The following TTN variants were observed in gnomAD, a reference collection of about 807,000 sequenced individuals.
TTN encodes the protein connectin.
A neutral mutation model predicts 3,223.0 loss-of-function variants in TTN; 1,525 were observed. That is an observed-to-expected ratio of 0.47 (90% CI 0.45 to 0.49). The LOEUF (loss-of-function observed/expected upper bound fraction) is 0.49. TTN is among the 20% of genes least tolerant of loss of function. The probability of loss-of-function intolerance (pLI) is 0.00; values close to 1 mark genes in which losing one functional copy is unlikely to be tolerated. For missense variants in TTN, 40,786 were observed against 43,424.0 expected (o/e 0.94, Z 5.40); for synonymous variants, 14,094 against 15,161.0 (o/e 0.93, Z 5.17).
At chr2:178,582,917 T>A in intron 313 of TTN, 23 bp downstream of exon 313, 1 of 1,466,786 alleles carries the variant, frequency 6.8e-7, no homozygotes, top group South Asian at 1.7e-5. Context: ...AAATATGGGA[T>A]TCCAATGAAG....
At chr2:178,790,975 G>C in intron 10 of TTN, 130 bp from the exon 11 acceptor site, 1 of 1,166,580 alleles carries the variant, frequency 8.6e-7, no homozygotes, top group Non-Finnish European at 1.2e-6. Flanking sequence ...TTCCATTTCA[G>C]GGGCCTACAC....
In TTN at chr2:178,704,196, G is replaced by A. The variant is rs1217298832; in HGVS notation, c.30174C>T (p.Tyr10058=). 1.9e-6 allele frequency: 3 copies of A among 1,613,978 alleles called. No homozygotes were observed. Among genetic ancestry groups the A allele is most frequent in the South Asian group, 1.1e-5 (1 of 91,080 alleles). The change falls in exon 106 of 363, where the codon TAC becomes TAT. Residue 10058 remains tyrosine (Y), a synonymous_variant. Coordinates refer to ENST00000589042, the MANE Select transcript of TTN (RefSeq NM_001267550.2). ...ADVRAEDQGQ[Y]TCKYEDLETS... is the part of the protein sequence containing the mutation. ...TTTCAAGGTCTTCATATTTGCAGGT[G>A]TACTGACCCTGGTCTTCTGCTCGAA...
chr2:178,576,315 T>C lies in TTN; in HGVS notation c.69817A>G (p.Thr23273Ala), dbSNP rs1233267673. 1 of 1,573,442 alleles carries C rather than the reference T, an allele frequency of 6.4e-7. No homozygotes were observed. Among genetic ancestry groups the C allele is most frequent in the Non-Finnish European group, 8.6e-7 (1 of 1,163,856 alleles). The change falls in exon 326 of 363, where the codon ACT becomes GCT. Residue 23273 changes from threonine to alanine, a missense_variant. Coordinates refer to ENST00000589042, the MANE Select transcript of TTN (RefSeq NM_001267550.2). This position sits in a 1 kb window ranked among gnomAD's most constrained non-coding sequence, Gnocchi z 4.3. ...KPHYDGGLEI[T>A]GYVVEHQKVG... ...TTTTGATGCTCCACGACATAGCCAG[T>C]GATTTCAAGTCCACCATCATAATGA...
chr2:178,532,688 C>G lies in TTN; in HGVS notation c.103927G>C (p.Asp34643His). Residue 34643 changes from aspartate (D) to histidine (H), a missense_variant, in exon 358 of 363, where the codon GAT becomes CAT. Physicochemically the swap from Asp to His is moderately conservative, Grantham distance 81. Coordinates refer to ENST00000589042, the MANE Select transcript of TTN (RefSeq NM_001267550.2). ...RPARRRTPSPDYDFYYRPRRR... is the reference protein window; with the variant it reads ...RPARRRTPSPHYDFYYRPRRR... Reference sequence around the variant, plus strand: ...CTAGGTCGGTAGTAAAAGTCATAATCAGGAGAAGGTGTACGCCGGCGGGCT... The same window carrying G: ...CTAGGTCGGTAGTAAAAGTCATAATGAGGAGAAGGTGTACGCCGGCGGGCT... The G allele has an allele frequency of 6.2e-7, 1 of 1,613,956 alleles. No homozygotes were observed. The highest frequency in any genetic ancestry group is 1.6e-4 in the Middle Eastern group (1 of 6,062).
At chr2:178,586,961 CA>C in intron 307 of TTN, 154 bp from the exon 308 acceptor site, 1 of 1,360,866 alleles carries the variant, frequency 7.3e-7, no homozygotes, top group Non-Finnish European at 1.0e-6. Flanking sequence ...TGAGACAGAT[CA>C]AAAAAGTGTT....
intron 159 of TTN, among the ~76,000 whole-genome samples, chr2:178,668,507 G>T (rs926117024): frequency 1.3e-5 from 2 of 151,930 alleles, no homozygotes; most frequent in African/African-American, 4.8e-5. Flanking sequence ...GAGGTGGGCG[G>T]GTCACCTGAG....
At chr2:178,551,589 T>G in intron 335 of TTN, 41 bp downstream of exon 335, 1 of 1,474,628 alleles carries the variant, frequency 6.8e-7, no homozygotes, top group Non-Finnish European at 9.1e-7. Flanking sequence ...TCTAATATGT[T>G]CAATTGCTAA....
chr2:178,589,559 G>T lies in TTN; in HGVS notation c.62166C>A (p.Ser20722Arg), dbSNP rs750725073. 3 of 1,613,136 alleles carry T rather than the reference G, an allele frequency of 1.9e-6. No individual in the cohort carries two copies. Among genetic ancestry groups the T allele is most frequent in the South Asian group, 2.2e-5 (2 of 91,046 alleles). The part of the protein sequence containing the change: ...SDDWERVHKG[S>R]IKETHYMVDR... ...CAACCATGTAGTGAGTTTCTTTAAT[G>T]CTTCCTTTATGCACTCTTTCCCAGT... is the stretch of plus-strand genomic sequence containing the variant. The change falls in exon 304 of 363, where the codon AGC becomes AGA. Residue 20722 changes from serine (S) to arginine (R), a missense_variant. By Grantham distance (110) the Ser-to-Arg change is moderately radical. Transcript: ENST00000589042.
intron 240 of TTN, among the ~76,000 whole-genome samples, chr2:178,628,450 ATATTT>A (rs1398742864): frequency 4.6e-5 from 7 of 152,064 alleles, no homozygotes; most frequent in African/African-American, 1.2e-4. Flanking sequence ...CATATTCCAT[ATATTT>A]TATTTTAAGA....
chr2:178,805,360 A>AT (rs1384011267), intron 1 of TTN, among the ~76,000 whole-genome samples: 3 of 151,698 alleles, frequency 2.0e-5, no homozygotes, highest in Non-Finnish European at 2.9e-5. Flanking sequence ...AAAAAAAAAA[A>AT]AAAATTAAAA....
intron 47 of TTN, chr2:178,746,975 C>G: frequency 6.2e-7 from 1 of 1,613,452 alleles, no homozygotes. Context: ...ATTTGGTGTA[C>G]CGTCTTCCCT....
intron 48 of TTN, 58 bp from the exon 49 acceptor site, chr2:178,738,418 G>C (rs2154316858): frequency 6.6e-7 from 1 of 1,516,884 alleles, no homozygotes; most frequent in African/African-American, 1.4e-5. Flanking sequence ...TGACATTTTT[G>C]TTTTTCTTCT....
At position 178,575,016 on chromosome 2, in the gene TTN, A is replaced by T. The variant is rs760319001; in HGVS notation, c.71116T>A (p.Leu23706Ile). The T allele has an allele frequency of 8.1e-6, 13 of 1,613,410 alleles. No individual in the cohort carries two copies. The South Asian group carries it at 1.4e-4, about 18-fold the overall frequency. The change falls in exon 326 of 363, where the codon TTA becomes ATA. Residue 23706 changes from leucine (L) to isoleucine (I), a missense_variant. Leu to Ile is a conservative substitution (Grantham distance 5). Transcript: ENST00000589042. This position sits in a 1 kb window ranked among gnomAD's most constrained non-coding sequence, Gnocchi z 4.0. ...CVRSDSGPYP[L>I]TARNIVGEVG... The stretch of plus-strand genomic sequence containing the variant: ...TCTCCTACAATGTTCCTTGCTGTTA[A>T]TGGATAGGGCCCACTATCACTTCTG...
At chr2:178,669,103 A>T (rs2066502514) in intron 159 of TTN, among the ~76,000 whole-genome samples, 1 of 152,192 alleles carries the variant, frequency 6.6e-6, no homozygotes. Flanking sequence ...AGACACTTGT[A>T]TACAGAATAG....
chr2:178,682,649 A>G (rs1385994846), intron 135 of TTN, 48 bp downstream of exon 135: 1 of 1,479,138 alleles, frequency 6.8e-7, no homozygotes, highest in East Asian at 2.4e-5. Context: ...ATCTTGTTTG[A>G]GTGTGCACAT....
chr2:178,544,592 G>A, intron 344 of TTN, 86 bp from the exon 345 acceptor site: 1 of 1,174,866 alleles, frequency 8.5e-7, no homozygotes, highest in Non-Finnish European at 1.2e-6. Context: ...GACTCACAAA[G>A]GCATTATTGC....
rs776318202 is a variant in TTN at position 178,592,462 on chromosome 2, G to A, written c.59543C>T (p.Ala19848Val). The part of the protein sequence containing the change: ...VGSKLEIRNA[A>V]HEDGGIYSLT... ...AGAATAAATTCCACCATCTTCATGG[G>A]CAGCATTACGAATTTCAAGCTTGCT... The change falls in exon 301 of 363, where the codon GCC becomes GTC. Residue 19848 changes from alanine to valine, a missense_variant. Ala to Val is a moderately conservative substitution (Grantham distance 64). Coordinates refer to ENST00000589042, the MANE Select transcript of TTN (RefSeq NM_001267550.2). The A allele has an allele frequency of 6.2e-7, 1 of 1,613,430 alleles. No individual in the cohort carries two copies. Among genetic ancestry groups the A allele is most frequent in the Admixed American group, 1.7e-5 (1 of 59,988 alleles).
In TTN at chr2:178,741,856, T is replaced by C; in HGVS notation, c.11377A>G (p.Lys3793Glu). ...AAAAGTTCAAGTGTTTCATTTATTT[T>C]AGATAATTGAAGTTCGGCGCTATGA... ...GLHSAELQLS[K>E]INETLELLSE... is the part of the protein sequence containing the mutation. The change falls in exon 48 of 363, where the codon AAA becomes GAA. Residue 3793 changes from lysine to glutamate, a missense_variant. Physicochemically the swap from Lys to Glu is moderately conservative, Grantham distance 56 (BLOSUM62 1). Transcript: ENST00000589042. The C allele has an allele frequency of 1.2e-6, 2 of 1,600,652 alleles. No homozygotes were observed. Among genetic ancestry groups the C allele is most frequent in the Non-Finnish European group, 1.7e-6 (2 of 1,173,044 alleles).
rs368323634 is a variant in TTN, at chr2:178,766,442, A to T, written c.9642T>A (p.Asp3214Glu). The part of the protein sequence containing the change: ...RMFISETRQS[D>E]AGEYTFVAGR... ...CTGCCACAAAGGTGTATTCTCCTGC[A>T]TCGCTCTGTCTGGTCTCAGAGATAA... The change falls in exon 41 of 363, where the codon GAT becomes GAA. Residue 3214 changes from aspartate (D) to glutamate (E), a missense_variant. By Grantham distance (45) the Asp-to-Glu change is conservative. Coordinates refer to ENST00000589042, the MANE Select transcript of TTN (RefSeq NM_001267550.2). 1.1e-5 allele frequency: 17 copies of T among 1,614,084 alleles called. No homozygotes were observed. Among genetic ancestry groups the T allele is most frequent in the Admixed American group, 1.7e-5 (1 of 60,002 alleles).
Sources: allele counts gnomAD v4.1 joint callset (sites outside exome capture counted in the v4.1 genomes callset), GRCh38; gene constraint gnomAD v4.1.1; non-coding constraint Gnocchi (gnomAD v3.1); transcripts MANE v1.5; gene names NCBI Gene and HGNC (gene_info 2026-07-23, HGNC 2026-07-21).